Variants in CEP112 observed in about 807,000 individuals in gnomAD.
The protein encoded by CEP112 is centrosomal protein of 112 kDa.
A neutral mutation model predicts 153.0 loss-of-function variants in CEP112; 127 were observed. That is an observed-to-expected ratio of 0.83 (90% CI 0.72 to 0.96). CEP112 has a LOEUF of 0.96. Ranked by LOEUF, CEP112 falls within the 40% of genes least tolerant of loss-of-function variation. CEP112 has a pLI of 0.00. For synonymous variants in CEP112, 358 were observed against 374.4 expected, an observed-to-expected ratio of 0.96 and a Z score of 0.51; for missense variants, 1,089 against 1,101.2, an observed-to-expected ratio of 0.99 and a Z score of 0.16.
intron 23 of CEP112, among the ~76,000 whole-genome samples, chr17:65,720,861 C>T (rs985942985): frequency 6.6e-6 from 1 of 152,100 alleles, no homozygotes; most frequent in African/African-American, 2.4e-5. Context: ...TATTGTTTCT[C>T]TCATTTTGGA....
intron 4 of CEP112, among the ~76,000 whole-genome samples, chr17:66,167,655 T>G (rs1254694689): frequency 6.6e-6 from 1 of 152,170 alleles, no homozygotes; most frequent in East Asian, 1.9e-4. Context: ...AAACTGAAAT[T>G]TCCATATTTG....
intron 17 of CEP112, among the ~76,000 whole-genome samples, chr17:65,971,967 T>C (rs1187426760): frequency 1.3e-5 from 2 of 152,192 alleles, no homozygotes; most frequent in Non-Finnish European, 2.9e-5. Context: ...AATATCCCTC[T>C]CTATCAATAA....
At chr17:66,117,006 A>G (rs2069329982) in intron 6 of CEP112, among the ~76,000 whole-genome samples, 1 of 151,828 alleles carries the variant, frequency 6.6e-6, no homozygotes, top group South Asian at 2.1e-4. Flanking sequence ...AACTGGAACT[A>G]CAAGCACATG....
intron 17 of CEP112, among the ~76,000 whole-genome samples, chr17:66,000,789 T>C (rs989329396): frequency 5.3e-5 from 8 of 152,166 alleles, no homozygotes; most frequent in African/African-American, 1.9e-4. Flanking sequence ...GAACATGTCA[T>C]TGGTGCAAAC....
At chr17:65,913,764 A>G in intron 19 of CEP112, 1 of 985,422 alleles carries the variant, frequency 1.0e-6, no homozygotes, top group Non-Finnish European at 1.2e-6. Context: ...AAGCTCCCGA[A>G]GCTCATGATA....
intron 20 of CEP112, among the ~76,000 whole-genome samples, chr17:65,900,914 C>T (rs1251908197): frequency 2.0e-5 from 3 of 152,264 alleles, no homozygotes; most frequent in Non-Finnish European, 2.9e-5. Context: ...CAGCGTAAAA[C>T]AAGTTGAAAA....
At chr17:65,901,205 A>T (rs764262812) in intron 20 of CEP112, among the ~76,000 whole-genome samples, 1 of 152,206 alleles carries the variant, frequency 6.6e-6, no homozygotes, top group Non-Finnish European at 1.5e-5. Context: ...GCGGAGGAAG[A>T]ATAACTACAG....
chr17:65,995,900 T>C (rs1008823092), intron 17 of CEP112, among the ~76,000 whole-genome samples: 4 of 152,154 alleles, frequency 2.6e-5, no homozygotes, highest in African/African-American at 9.7e-5. Flanking sequence ...TTGGCTCTCA[T>C]TCTCTCTTGC....
chr17:65,840,500 G>T (rs955767968), intron 21 of CEP112, among the ~76,000 whole-genome samples: 6 of 152,000 alleles, frequency 3.9e-5, no homozygotes, highest in Admixed American at 1.3e-4. Context: ...TACAAAAATT[G>T]AATCAACATG....
At chr17:66,067,555 C>G (rs1415434718) in intron 9 of CEP112, among the ~76,000 whole-genome samples, 3 of 152,030 alleles carry the variant, frequency 2.0e-5, no homozygotes, top group Non-Finnish European at 2.9e-5. Flanking sequence ...CGTAAAGAAC[C>G]AATCATATAA....
chr17:66,022,711 G>GAAAAAAA (rs1555771642), intron 16 of CEP112, among the ~76,000 whole-genome samples: 1 of 127,070 alleles, frequency 7.9e-6, no homozygotes, highest in African/African-American at 3.0e-5. Context: ...TCCGCCTCAA[G>GAAAAAAA]AAAAAAAAAA....
intron 21 of CEP112, among the ~76,000 whole-genome samples, chr17:65,841,535 G>T (rs926181623): frequency 6.6e-6 from 1 of 151,940 alleles, no homozygotes; most frequent in Non-Finnish European, 1.5e-5. Flanking sequence ...GTTGGTTAAT[G>T]AATACAAAAA....
chr17:66,028,986 T>A, intron 14 of CEP112, 137 bp downstream of exon 14: 1 of 675,092 alleles, frequency 1.5e-6, no homozygotes, highest in Non-Finnish European at 2.4e-6. Flanking sequence ...TAAAAATTCC[T>A]GAAGTTCCTG....
At chr17:65,696,992 G>C (rs1361780250) in intron 23 of CEP112, among the ~76,000 whole-genome samples, 3 of 152,172 alleles carry the variant, frequency 2.0e-5, no homozygotes, top group African/African-American at 4.8e-5. Flanking sequence ...AGAGACCAGG[G>C]GGGTAGGATG....
intron 4 of CEP112, among the ~76,000 whole-genome samples, chr17:66,154,091 A>C (rs966765172): frequency 6.6e-5 from 10 of 152,150 alleles, no homozygotes; most frequent in African/African-American, 2.4e-4. Flanking sequence ...AGGCAGGAGA[A>C]TCTCTTGAAC....
At chr17:65,892,066 C>T (rs1367901272) in intron 20 of CEP112, among the ~76,000 whole-genome samples, 1 of 152,136 alleles carries the variant, frequency 6.6e-6, no homozygotes, top group Non-Finnish European at 1.5e-5. Context: ...TCCTTTAGAG[C>T]AGAGTACTGG....
At chr17:66,092,258 T>C (rs545752079) in intron 8 of CEP112, among the ~76,000 whole-genome samples, 24 of 151,796 alleles carry the variant, frequency 1.6e-4, no homozygotes, top group African/African-American at 5.6e-4. Context: ...AAGGCTAATC[T>C]CAAACTGCTG....
In CEP112 at chr17:65,989,196, T is replaced by C. The variant is rs530430015; in HGVS notation, c.1736+16494A>G. Among the ~76,000 whole-genome samples, 6 of 148,794 alleles carry C rather than the reference T, an allele frequency of 4.0e-5. No individual in the cohort carries two copies. The East Asian group carries it at 9.9e-4, about 25-fold the overall frequency. On this transcript the variant is annotated intron_variant, in intron 17 of 26. Coordinates refer to ENST00000535342, the MANE Select transcript of CEP112 (RefSeq NM_001199165.4). ...CTTGCAGTGAACCAAGATTGCACCA[T>C]TGCACTGCAGCCTGGGAGACAGAGT...
chr17:65,726,063 A>C (rs763031593), intron 23 of CEP112, among the ~76,000 whole-genome samples: 4 of 152,162 alleles, frequency 2.6e-5, no homozygotes, highest in Non-Finnish European at 5.9e-5. Flanking sequence ...GAAATAATCA[A>C]ATAATTATTG....
Sources: gnomAD v4.1 joint callset for allele counts (sites outside exome capture counted in the v4.1 genomes callset) on GRCh38, gnomAD v4.1.1 for gene constraint, MANE v1.5 for transcripts, NCBI Gene and HGNC (gene_info 2026-07-23, HGNC 2026-07-21) for gene names.